The following SNTG1 variants were observed in gnomAD, a reference collection of about 807,000 sequenced individuals.
SNTG1 encodes syntrophin gamma 1, also known as gamma-1-syntrophin.
In SNTG1, 39 loss-of-function variants were observed where a neutral mutation model predicts 74.7. That is an observed-to-expected ratio of 0.52 (90% CI 0.40 to 0.68). SNTG1 has a LOEUF of 0.68. Ranked by LOEUF, SNTG1 falls within the 30% of genes least tolerant of loss-of-function variation. SNTG1 has a pLI of 0.00. For synonymous variants in SNTG1, 254 were observed against 217.1 expected (o/e 1.17, Z -1.49); for missense variants, 685 against 609.5 (o/e 1.12, Z -1.30).
chr8:49,920,071 A>G (rs1806394440), intron 1 of SNTG1, among the ~76,000 whole-genome samples: 1 of 152,080 alleles, frequency 6.6e-6, no homozygotes, highest in Admixed American at 6.6e-5. Flanking sequence ...CTTTTAAGCG[A>G]TTAGAGAAAA....
At chr8:50,148,031 G>A (rs1011505981) in intron 1 of SNTG1, among the ~76,000 whole-genome samples, 2 of 152,120 alleles carry the variant, frequency 1.3e-5, no homozygotes, top group African/African-American at 2.4e-5. Context: ...AGAAGGACAT[G>A]GGACCCAATC....
intron 1 of SNTG1, among the ~76,000 whole-genome samples, chr8:50,028,352 C>G (rs1417998714): frequency 1.3e-5 from 2 of 151,918 alleles, no homozygotes; most frequent in African/African-American, 4.8e-5. Flanking sequence ...GTCTGTTTAA[C>G]CACTGTTTTT....
chr8:50,378,575 G>A (rs1157561371), intron 2 of SNTG1, among the ~76,000 whole-genome samples: 1 of 152,140 alleles, frequency 6.6e-6, no homozygotes, highest in Non-Finnish European at 1.5e-5. Context: ...TTGATAGATA[G>A]GACAGCTCAG....
chr8:49,957,479 A>G (rs1308784174), intron 1 of SNTG1, among the ~76,000 whole-genome samples: 1 of 152,142 alleles, frequency 6.6e-6, no homozygotes, highest in Non-Finnish European at 1.5e-5. Context: ...GTCTAGCCTC[A>G]TGTAGGGGGG....
At chr8:50,460,768 C>T (rs1434206837) in intron 8 of SNTG1, among the ~76,000 whole-genome samples, 5 of 152,068 alleles carry the variant, frequency 3.3e-5, no homozygotes, top group African/African-American at 9.6e-5. Flanking sequence ...TTATTTTTGT[C>T]GACTTTGTCA....
chr8:50,180,603 C>A (rs190422896), intron 2 of SNTG1, among the ~76,000 whole-genome samples: 2 of 152,234 alleles, frequency 1.3e-5, no homozygotes, highest in Non-Finnish European at 2.9e-5. Context: ...AGAAAACAGA[C>A]TTCCTATTAT....
At chr8:50,732,357 T>G (rs1448679438) in intron 17 of SNTG1, among the ~76,000 whole-genome samples, 2 of 149,050 alleles carry the variant, frequency 1.3e-5, no homozygotes, top group African/African-American at 2.5e-5. Context: ...CTACAAACAG[T>G]GAGGTACTTT....
intron 2 of SNTG1, among the ~76,000 whole-genome samples, chr8:50,320,100 T>G (rs562332157): frequency 2.8e-4 from 43 of 152,304 alleles, no homozygotes; most frequent in Non-Finnish European, 1.5e-4. Flanking sequence ...AGTCGTTCTT[T>G]CAATGTTTGA....
intron 2 of SNTG1, among the ~76,000 whole-genome samples, chr8:50,260,370 C>G (rs2087121731): frequency 6.6e-6 from 1 of 152,012 alleles, no homozygotes; most frequent in African/African-American, 2.4e-5. Flanking sequence ...TGTTAAGTCA[C>G]AACACAGAGG....
In SNTG1 at chr8:50,025,968, T is replaced by G. The variant is rs116209084; in HGVS notation, c.-103+113737T>G. 5.5e-3 allele frequency among the ~76,000 whole-genome samples: 835 copies of G among 152,280 alleles called. 10 individuals are homozygous for G. Among genetic ancestry groups the G allele is most frequent in the African/African-American group, 0.019 (791 of 41,552 alleles). On this transcript the variant is annotated intron_variant, in intron 1 of 18. Transcript: ENST00000642720. ...CAGCAATCCTCCCTGGAGCTCTGTA[T>G]TTAGGTCTGTGGCCCAGATTTTCTT...
intron 1 of SNTG1, among the ~76,000 whole-genome samples, chr8:50,087,306 G>A (rs1165513801): frequency 6.6e-6 from 1 of 152,150 alleles, no homozygotes; most frequent in Non-Finnish European, 1.5e-5. Flanking sequence ...GTCTTCGATT[G>A]TAACAAGACT....
chr8:50,204,042 G>T (rs913246023), intron 2 of SNTG1, among the ~76,000 whole-genome samples: 23 of 151,964 alleles, frequency 1.5e-4, no homozygotes, highest in South Asian at 2.1e-4. Context: ...GAAAAATTTA[G>T]TAGATACATT....
At chr8:50,740,063 CAAAGATT>C (rs2095539277) in intron 17 of SNTG1, among the ~76,000 whole-genome samples, 1 of 151,962 alleles carries the variant, frequency 6.6e-6, no homozygotes, top group Non-Finnish European at 1.5e-5. Context: ...TAGGACTGGG[CAAAGATT>C]TCATGATGAA....
At chr8:50,085,478 G>T (rs1026849131) in intron 1 of SNTG1, among the ~76,000 whole-genome samples, 1 of 152,200 alleles carries the variant, frequency 6.6e-6, no homozygotes, top group Non-Finnish European at 1.5e-5. Flanking sequence ...AAGAGCTTAA[G>T]GATTTGAAGA....
chr8:50,026,494 T>C (rs745565065), intron 1 of SNTG1, among the ~76,000 whole-genome samples: 1 of 152,134 alleles, frequency 6.6e-6, no homozygotes, highest in Non-Finnish European at 1.5e-5. Context: ...ACCAATTAAA[T>C]TCATAAGAGT....
At chr8:50,473,943 G>A (rs2093674158) in intron 8 of SNTG1, among the ~76,000 whole-genome samples, 1 of 152,082 alleles carries the variant, frequency 6.6e-6, no homozygotes, top group Non-Finnish European at 1.5e-5. Context: ...ATTGTTTTAG[G>A]GGTATAGAAT....
chr8:50,451,443 T>C (rs1440993087), intron 8 of SNTG1, among the ~76,000 whole-genome samples: 2 of 151,996 alleles, frequency 1.3e-5, no homozygotes, highest in Non-Finnish European at 2.9e-5. Flanking sequence ...AGACTGCGTG[T>C]GTGTGTAGTC....
chr8:50,554,022 A>G (rs1417433450), intron 12 of SNTG1, among the ~76,000 whole-genome samples: 4 of 152,190 alleles, frequency 2.6e-5, no homozygotes, highest in African/African-American at 7.2e-5. Flanking sequence ...AAGCAGAAAT[A>G]TATAACTCTG....
intron 9 of SNTG1, among the ~76,000 whole-genome samples, chr8:50,508,320 T>C (rs2129853808): frequency 6.6e-6 from 1 of 152,318 alleles, no homozygotes; most frequent in East Asian, 1.9e-4. Flanking sequence ...CAGTCTATCA[T>C]TGTTGGATAT....
Sources: gnomAD v4.1 joint callset for allele counts (sites outside exome capture counted in the v4.1 genomes callset) on GRCh38, gnomAD v4.1.1 for gene constraint, MANE v1.5 for transcripts, NCBI Gene and HGNC (gene_info 2026-07-23, HGNC 2026-07-21) for gene names.